KIAA0825: variants seen among roughly 807,000 people sequenced by gnomAD.
The protein encoded by KIAA0825 is KIAA0825.
Under a neutral mutation model 147.6 loss-of-function variants are expected in KIAA0825, and 119 were observed. That is an observed-to-expected ratio of 0.81 (90% CI 0.69 to 0.94). The LOEUF is 0.94. KIAA0825 is among the 40% of genes least tolerant of loss of function. KIAA0825 has a pLI of 0.00. For missense variants in KIAA0825, 1,381 were observed against 1,472.7 expected (o/e 0.94, Z 1.02); for synonymous variants, 470 against 518.1 (o/e 0.91, Z 1.26).
At chr5:94,318,531 T>C (rs1779868564) in intron 20 of KIAA0825, among the ~76,000 whole-genome samples, 1 of 151,850 alleles carries the variant, frequency 6.6e-6, no homozygotes, top group Non-Finnish European at 1.5e-5. Flanking sequence ...CTGTAGAAAA[T>C]GCACATCTGT....
chr5:94,317,549 C>T (rs1448484559), intron 20 of KIAA0825, among the ~76,000 whole-genome samples: 2 of 151,770 alleles, frequency 1.3e-5, no homozygotes, highest in Non-Finnish European at 2.9e-5. Context: ...AACTTAAAGA[C>T]AATTTACCTC....
chr5:94,161,661 A>G (rs2149920532), intron 20 of KIAA0825, among the ~76,000 whole-genome samples: 1 of 152,214 alleles, frequency 6.6e-6, no homozygotes, highest in East Asian at 1.9e-4. Flanking sequence ...CTTTTCATCT[A>G]TACTTGCAGT....
chr5:94,594,821 C>A, intron 1 of KIAA0825: 1 of 445,590 alleles, frequency 2.2e-6, no homozygotes, highest in South Asian at 1.9e-5. Context: ...TGAGTGTTAT[C>A]ATGTGTCACA....
At chr5:94,176,947 A>G (rs911709298) in intron 20 of KIAA0825, among the ~76,000 whole-genome samples, 2 of 152,102 alleles carry the variant, frequency 1.3e-5, no homozygotes, top group African/African-American at 4.8e-5. Context: ...TACCATTGCT[A>G]GTGTTCCTAG....
intron 6 of KIAA0825, among the ~76,000 whole-genome samples, chr5:94,479,022 A>G (rs1762203620): frequency 6.6e-6 from 1 of 152,150 alleles, no homozygotes; most frequent in South Asian, 2.1e-4. Flanking sequence ...CCCTGCCCTT[A>G]GTTTCCTCTA....
intron 20 of KIAA0825, among the ~76,000 whole-genome samples, chr5:94,179,744 T>C (rs1342341594): frequency 6.6e-6 from 1 of 152,002 alleles, no homozygotes; most frequent in Non-Finnish European, 1.5e-5. Flanking sequence ...TTAAAACAGA[T>C]AGGAGCCACC....
intron 14 of KIAA0825, among the ~76,000 whole-genome samples, chr5:94,418,205 G>A (rs965564477): frequency 2.0e-5 from 3 of 151,996 alleles, no homozygotes; most frequent in African/African-American, 7.2e-5. Flanking sequence ...AGAATAAATA[G>A]ATTTCTTTAT....
chr5:94,387,577 C>T (rs1057245484), intron 18 of KIAA0825, among the ~76,000 whole-genome samples: 1 of 152,058 alleles, frequency 6.6e-6, no homozygotes, highest in South Asian at 2.1e-4. Context: ...CACCTGTAAT[C>T]CCAGCTACTT....
intron 20 of KIAA0825, among the ~76,000 whole-genome samples, chr5:94,160,416 A>G (rs960475962): frequency 1.2e-4 from 18 of 150,000 alleles, no homozygotes; most frequent in Admixed American, 3.3e-4. Flanking sequence ...TGTATACAGT[A>G]TACATATGTA....
chr5:94,376,447 T>C (rs1179101218), intron 20 of KIAA0825, among the ~76,000 whole-genome samples: 1 of 152,164 alleles, frequency 6.6e-6, no homozygotes, highest in African/African-American at 2.4e-5. Context: ...GAAAGTGCTT[T>C]ATACACCATA....
intron 13 of KIAA0825, among the ~76,000 whole-genome samples, chr5:94,447,754 A>T (rs1161292814): frequency 1.3e-5 from 2 of 152,170 alleles, no homozygotes; most frequent in East Asian, 3.8e-4. Context: ...AGGGAGGAAA[A>T]TATATGTATA....
intron 20 of KIAA0825, among the ~76,000 whole-genome samples, chr5:94,297,020 T>C (rs541348413): frequency 6.6e-6 from 1 of 152,346 alleles, no homozygotes; most frequent in South Asian, 2.1e-4. Context: ...TTTAGTTGAA[T>C]TGTAATAATA....
chr5:94,456,556 G>A (rs191209173), intron 12 of KIAA0825, among the ~76,000 whole-genome samples: 20 of 152,280 alleles, frequency 1.3e-4, no homozygotes, highest in Admixed American at 2.6e-4. Flanking sequence ...TGCAGGAACC[G>A]GAGCCAGAGA....
intron 18 of KIAA0825, among the ~76,000 whole-genome samples, chr5:94,389,727 A>G (rs936074250): frequency 6.6e-5 from 10 of 152,242 alleles, no homozygotes; most frequent in African/African-American, 2.4e-4. Context: ...CAGCATAGCA[A>G]CACCTCACAG....
chr5:94,474,585 C>T (rs1409638814), intron 7 of KIAA0825, among the ~76,000 whole-genome samples: 2 of 152,006 alleles, frequency 1.3e-5, no homozygotes, highest in Admixed American at 6.5e-5. Context: ...ATATGTACAA[C>T]TCATTCAGCA....
intron 20 of KIAA0825, among the ~76,000 whole-genome samples, chr5:94,357,002 C>T (rs928961436): frequency 9.2e-5 from 14 of 152,038 alleles, no homozygotes; most frequent in African/African-American, 2.9e-4. Context: ...GGATTACAGG[C>T]GTGAGCCACT....
intron 5 of KIAA0825, among the ~76,000 whole-genome samples, chr5:94,518,659 A>C (rs1230725258): frequency 1.3e-5 from 2 of 152,120 alleles, no homozygotes; most frequent in Non-Finnish European, 2.9e-5. Context: ...TCATTAGCGC[A>C]GTGTTTGGCA....
rs769648904 is a variant in KIAA0825, at chr5:94,154,072, C to G, written c.3763G>C (p.Glu1255Gln). The G allele has an allele frequency of 1.9e-6, 3 of 1,551,676 alleles. No individual in the cohort carries two copies. In the South Asian group the frequency reaches 3.6e-5, roughly 18 times the overall value. ...TLEEEEKAILEHLKQICTPQN... is the reference protein window; with the variant it reads ...TLEEEEKAILQHLKQICTPQN... ...GGGGTGCAAATTTGTTTTAAGTGCTCCAGTATTGCTTTTTCTTCCTCTTCT... is the reference window on the plus strand; with the variant it reads ...GGGGTGCAAATTTGTTTTAAGTGCTGCAGTATTGCTTTTTCTTCCTCTTCT... Residue 1255 changes from glutamate (E) to glutamine (Q), a missense_variant, in exon 21 of 21, where the codon GAG becomes CAG. By Grantham distance (29) the Glu-to-Gln change is conservative. Coordinates refer to ENST00000682413, the MANE Select transcript of KIAA0825 (RefSeq NM_001145678.3).
intron 5 of KIAA0825, among the ~76,000 whole-genome samples, chr5:94,513,091 G>A (rs961012305): frequency 2.0e-5 from 3 of 152,068 alleles, no homozygotes; most frequent in Non-Finnish European, 4.4e-5. Context: ...TTGAATAGTT[G>A]CAAGATAAGT....
Sources: allele counts gnomAD v4.1 joint callset (sites outside exome capture counted in the v4.1 genomes callset), GRCh38; gene constraint gnomAD v4.1.1; transcripts MANE v1.5; gene names NCBI Gene and HGNC (gene_info 2026-07-23, HGNC 2026-07-21).